Variants in TENM3 observed in about 807,000 individuals in gnomAD.
The protein encoded by TENM3 is teneurin transmembrane protein 3, also known as teneurin-3.
TENM3 carries 63 observed loss-of-function variants against 255.1 expected under a neutral mutation model. That is an observed-to-expected ratio of 0.25 (90% CI 0.20 to 0.30). TENM3 has a LOEUF of 0.30. TENM3 is among the 10% of genes least tolerant of loss of function. TENM3 has a pLI of 1.00. For missense variants in TENM3, 2,929 were observed against 3,461.1 expected (o/e 0.85, Z 3.86); for synonymous variants, 1,306 against 1,322.3 (o/e 0.99, Z 0.27).
rs189145106 is a variant in TENM3 at position 182,377,416 on chromosome 4, C to T, written c.511+30487C>T. 2.2e-3 allele frequency among the ~76,000 whole-genome samples: 340 copies of T among 152,208 alleles called. 2 individuals are homozygous for T. Among genetic ancestry groups the T allele is most frequent in the African/African-American group, 7.6e-3 (314 of 41,510 alleles). ...GCAACCTCCACCTCCTGGGTTCAAG[C>T]GATTCTCGTGCCTCAGCCTTGCGAA... On this transcript the variant is annotated intron_variant, in intron 3 of 27. Coordinates refer to ENST00000511685, the MANE Select transcript of TENM3 (RefSeq NM_001080477.4).
chr4:182,537,536 C>T (rs1210374824), intron 3 of TENM3, among the ~76,000 whole-genome samples: 1 of 152,196 alleles, frequency 6.6e-6, no homozygotes, highest in Non-Finnish European at 1.5e-5. Flanking sequence ...GGAGCAGGCA[C>T]TTTGCTTTCT....
intron 2 of TENM3, among the ~76,000 whole-genome samples, chr4:182,327,296 G>A (rs1763473961): frequency 6.6e-6 from 1 of 152,090 alleles, no homozygotes; most frequent in African/African-American, 2.4e-5. Flanking sequence ...CAATTCCAAA[G>A]AGTCATGCTA....
In TENM3 at chr4:182,799,862, G is replaced by A. The variant is rs758145504; in HGVS notation, c.7611G>A (p.Leu2537=). ...VLNNAFYLEN[L]HFTIEGKDTH... is the part of the protein sequence containing the mutation. The stretch of plus-strand genomic sequence containing the variant: ...ACAACGCCTTCTACCTGGAGAACCT[G>A]CACTTCACCATCGAGGGCAAGGACA... The change falls in exon 28 of 28, where the codon CTG becomes CTA. Residue 2537 remains leucine, a synonymous_variant. Coordinates refer to ENST00000511685, the MANE Select transcript of TENM3 (RefSeq NM_001080477.4). This position sits in a 1 kb window ranked among gnomAD's most constrained non-coding sequence, Gnocchi z 4.2. The A allele has an allele frequency of 3.7e-6, 6 of 1,611,254 alleles. No homozygotes were observed. Among genetic ancestry groups the A allele is most frequent in the South Asian group, 3.3e-5 (3 of 90,388 alleles).
chr4:182,784,826 G>A (rs894602570), intron 24 of TENM3, among the ~76,000 whole-genome samples: 1 of 148,610 alleles, frequency 6.7e-6, no homozygotes, highest in Non-Finnish European at 1.5e-5. Context: ...TCCAGGTGCT[G>A]TCCGTCACCC....
chr4:182,044,197 GAGA>G, the TENM3 span, among the ~76,000 whole-genome samples: 23 of 151,950 alleles, frequency 1.5e-4, no homozygotes, highest in Non-Finnish European at 3.2e-4. Flanking sequence ...CAAAAGCAAG[GAGA>G]AGAACGACAT....
the TENM3 span, among the ~76,000 whole-genome samples, chr4:181,962,459 G>T: frequency 2.6e-5 from 4 of 152,184 alleles, no homozygotes; most frequent in Admixed American, 1.3e-4. Flanking sequence ...TGGTATTGTT[G>T]TATCTGCAAC....
At chr4:182,025,619 T>C in the TENM3 span, among the ~76,000 whole-genome samples, 1 of 152,214 alleles carries the variant, frequency 6.6e-6, no homozygotes, top group East Asian at 1.9e-4. Flanking sequence ...ATAATAATTG[T>C]ACTAATTTAC....
intron 3 of TENM3, among the ~76,000 whole-genome samples, chr4:182,590,560 A>AAAG (rs1746517444): frequency 6.7e-6 from 1 of 148,308 alleles, no homozygotes; most frequent in Non-Finnish European, 1.5e-5. Flanking sequence ...AAAAAAAAAA[A>AAAG]AGAAAAAGAA....
the TENM3 span, among the ~76,000 whole-genome samples, chr4:181,708,334 TG>T: frequency 6.6e-6 from 1 of 152,214 alleles, no homozygotes; most frequent in South Asian, 2.1e-4. Flanking sequence ...GGACATAATT[TG>T]GTTTGACAAT....
At chr4:182,123,211 C>T in the TENM3 span, among the ~76,000 whole-genome samples, 8 of 152,162 alleles carry the variant, frequency 5.3e-5, no homozygotes, top group Admixed American at 4.6e-4. Context: ...ACCACTACAA[C>T]ATTCTCTGTA....
Position 182,161,929 on chromosome 4 carries a change from AT to A in TENM3, c.-76+17176del, listed in dbSNP as rs1751359123. Among the ~76,000 whole-genome samples, 2 of 106,342 alleles carry A rather than the reference AT, an allele frequency of 1.9e-5. 1 individual carries two copies. The highest frequency in any genetic ancestry group is 8.0e-5 in the African/African-American group (2 of 25,096). 69.8% of individuals were successfully genotyped at this position (106,342 alleles called of 152,430 possible). A position where few individuals can be genotyped will look rare whatever the true frequency, so the allele number is the denominator to read the frequency against. ...TACACACACATGTATGTGTATATAT[AT>A]ACACATATATATATTTGTGTGTGTG... is the stretch of plus-strand genomic sequence containing the variant. On this transcript the variant is annotated intron_variant, in intron 1 of 2. Transcript: ENST00000512480.
chr4:182,758,479 A>G (rs1476156112), intron 22 of TENM3, among the ~76,000 whole-genome samples: 1 of 152,178 alleles, frequency 6.6e-6, no homozygotes, highest in Admixed American at 6.5e-5. Context: ...CAGAGCCTTG[A>G]CAACAGAGTT....
chr4:182,377,009 C>T (rs772223585), intron 3 of TENM3, among the ~76,000 whole-genome samples: 5 of 152,152 alleles, frequency 3.3e-5, no homozygotes, highest in African/African-American at 4.8e-5. Flanking sequence ...CCGGAATACT[C>T]CAGGTTTATG....
chr4:182,351,924 C>T (rs1765207036), intron 3 of TENM3, among the ~76,000 whole-genome samples: 1 of 152,074 alleles, frequency 6.6e-6, no homozygotes, highest in Admixed American at 6.6e-5. Flanking sequence ...TACAAAACTC[C>T]CTGACATCTA....
intron 3 of TENM3, among the ~76,000 whole-genome samples, chr4:182,384,668 C>T (rs1767790383): frequency 6.6e-6 from 1 of 152,158 alleles, no homozygotes; most frequent in Non-Finnish European, 1.5e-5. Flanking sequence ...AGAAATACAA[C>T]TTAGCCTCTT....
At chr4:182,372,693 C>T (rs1352860007) in intron 3 of TENM3, among the ~76,000 whole-genome samples, 7 of 152,182 alleles carry the variant, frequency 4.6e-5, no homozygotes, top group Admixed American at 4.6e-4. Flanking sequence ...TTAACATGGA[C>T]TAAATGTTAT....
At chr4:181,761,001 C>CACACACAT in the TENM3 span, among the ~76,000 whole-genome samples, 1 of 150,166 alleles carries the variant, frequency 6.7e-6, no homozygotes, top group African/African-American at 2.4e-5. Context: ...CACACACACA[C>CACACACAT]ACACACACAC....
chr4:182,750,198 A>G (rs1049095128), intron 19 of TENM3, among the ~76,000 whole-genome samples: 5 of 152,188 alleles, frequency 3.3e-5, no homozygotes, highest in African/African-American at 7.2e-5. Flanking sequence ...TTCTTGCACA[A>G]TGACTTGCAT....
chr4:181,708,228 T>C, the TENM3 span, among the ~76,000 whole-genome samples: 2 of 152,220 alleles, frequency 1.3e-5, no homozygotes, highest in South Asian at 4.1e-4. Context: ...CTAAATGGAA[T>C]GGCAAAATAG....
Sources: allele counts gnomAD v4.1 joint callset (sites outside exome capture counted in the v4.1 genomes callset), GRCh38; gene constraint gnomAD v4.1.1; non-coding constraint Gnocchi (gnomAD v3.1); transcripts MANE v1.5; gene names NCBI Gene and HGNC (gene_info 2026-07-23, HGNC 2026-07-21).